The following BAZ2B variants were observed in gnomAD, a reference collection of about 807,000 sequenced individuals.
BAZ2B encodes the protein bromodomain adjacent to zinc finger domain protein 2B.
In BAZ2B, 91 loss-of-function variants were observed where a neutral mutation model predicts 246.0. The ratio of observed to expected loss-of-function variants is 0.37; its 90% CI spans 0.31 to 0.44. BAZ2B has a LOEUF of 0.44. Among genes scored for constraint, BAZ2B ranks in the 20% least tolerant of loss-of-function variants. The pLI is 1.00. For synonymous variants in BAZ2B, 855 were observed against 860.0 expected (o/e 0.99, Z 0.10); for missense variants, 2,332 against 2,533.7 (o/e 0.92, Z 1.71).
intron 1 of BAZ2B, among the ~76,000 whole-genome samples, chr2:159,558,633 G>A (rs997227269): frequency 2.0e-5 from 3 of 152,152 alleles, no homozygotes; most frequent in Admixed American, 6.6e-5. Context: ...AGCCAAGACT[G>A]TGGGCAAGTT....
At chr2:159,607,125 G>A (rs1216890330) in intron 1 of BAZ2B, among the ~76,000 whole-genome samples, 1 of 152,128 alleles carries the variant, frequency 6.6e-6, no homozygotes, top group African/African-American at 2.4e-5. Flanking sequence ...AAAGTGCTGG[G>A]ATTACAGGCA....
intron 30 of BAZ2B, 24 bp from the exon 31 acceptor site, chr2:159,347,670 T>TA (rs1196111527): frequency 6.4e-7 from 1 of 1,554,392 alleles, no homozygotes; most frequent in Non-Finnish European, 8.8e-7. Context: ...GAAATTAATT[T>TA]AAAAATCCAC....
intron 1 of BAZ2B, among the ~76,000 whole-genome samples, chr2:159,610,515 A>G (rs985440774): frequency 6.6e-6 from 1 of 152,176 alleles, no homozygotes; most frequent in South Asian, 2.1e-4. Flanking sequence ...AACAGGAAAA[A>G]ACACCCAATT....
Position 159,339,914 on chromosome 2 carries a change from C to G in BAZ2B, c.5455-2142G>C, listed in dbSNP as rs371388089. Among the ~76,000 whole-genome samples the G allele has an allele frequency of 1.1e-4, 17 of 152,028 alleles. No homozygotes were observed. The East Asian group carries it at 3.3e-3, about 29-fold the overall frequency. On this transcript the variant is annotated intron_variant, in intron 31 of 36. Coordinates refer to ENST00000392783, the MANE Select transcript of BAZ2B (RefSeq NM_013450.4). ...AGAGTAGATTGGTGGTTACCAGAGG[C>G]TGAGAAGGGTAGGGAGAGAGTGAGA...
chr2:159,580,804 C>T (rs1216108825), intron 1 of BAZ2B, among the ~76,000 whole-genome samples: 13 of 152,020 alleles, frequency 8.6e-5, no homozygotes, highest in Admixed American at 3.9e-4. Context: ...CTGAGAAAAA[C>T]AAGCAATGGG....
chr2:159,676,001 T>C, the BAZ2B span, among the ~76,000 whole-genome samples: 1 of 152,190 alleles, frequency 6.6e-6, no homozygotes, highest in Non-Finnish European at 1.5e-5. Context: ...GTTCAGGTGA[T>C]TCTCCTGCCT....
the BAZ2B span, among the ~76,000 whole-genome samples, chr2:159,666,366 C>T: frequency 6.8e-6 from 1 of 147,722 alleles, no homozygotes; most frequent in Non-Finnish European, 1.5e-5. Flanking sequence ...CTCAGGTGAT[C>T]TTCCAACCTC....
chr2:159,665,744 A>G, the BAZ2B span, among the ~76,000 whole-genome samples: 1 of 151,854 alleles, frequency 6.6e-6, no homozygotes, highest in African/African-American at 2.4e-5. Context: ...AAAACCATAA[A>G]AACCCTAGAA....
At chr2:159,580,071 C>CA (rs1686364859) in intron 1 of BAZ2B, among the ~76,000 whole-genome samples, 1 of 152,074 alleles carries the variant, frequency 6.6e-6, no homozygotes, top group Non-Finnish European at 1.5e-5. Context: ...CTGGCCAGGG[C>CA]AATCAGGCAG....
chr2:159,422,103 G>T (rs2068867731), intron 13 of BAZ2B, among the ~76,000 whole-genome samples: 1 of 151,984 alleles, frequency 6.6e-6, no homozygotes, highest in Non-Finnish European at 1.5e-5. Context: ...AAGACAAAAA[G>T]AAATGGAAAA....
At chr2:159,679,684 T>C in the BAZ2B span, among the ~76,000 whole-genome samples, 4 of 152,262 alleles carry the variant, frequency 2.6e-5, no homozygotes, top group Admixed American at 2.0e-4. Context: ...TATTCAGGAA[T>C]TGGCATTAAG....
intron 6 of BAZ2B, chr2:159,444,091 T>C (rs932925699): frequency 6.6e-6 from 1 of 152,044 alleles, no homozygotes; most frequent in African/African-American, 2.4e-5. Context: ...GAATCAGAAA[T>C]GGATGGTTTC....
At chr2:159,684,330 T>C in the BAZ2B span, among the ~76,000 whole-genome samples, 1 of 152,242 alleles carries the variant, frequency 6.6e-6, no homozygotes, top group Non-Finnish European at 1.5e-5. Context: ...GAGTAAAACC[T>C]AGGAATGAGA....
chr2:159,359,857 C>T (rs1228438701), intron 27 of BAZ2B, among the ~76,000 whole-genome samples: 1 of 152,184 alleles, frequency 6.6e-6, no homozygotes, highest in East Asian at 1.9e-4. Flanking sequence ...ACAAAACCCA[C>T]ATGATTCTCT....
intron 3 of BAZ2B, among the ~76,000 whole-genome samples, chr2:159,456,272 TAGTA>T (rs1350155675): frequency 3.3e-5 from 5 of 151,964 alleles, no homozygotes; most frequent in African/African-American, 9.7e-5. Context: ...TAATAATTGG[TAGTA>T]AGTAATAAAT....
intron 27 of BAZ2B, among the ~76,000 whole-genome samples, chr2:159,354,115 T>C (rs1356291541): frequency 6.6e-6 from 1 of 152,192 alleles, no homozygotes; most frequent in Non-Finnish European, 1.5e-5. Context: ...CTTTAGATAA[T>C]GTATTAGTTA....
the BAZ2B span, among the ~76,000 whole-genome samples, chr2:159,658,799 G>T: frequency 6.6e-6 from 1 of 152,026 alleles, no homozygotes; most frequent in East Asian, 1.9e-4. Flanking sequence ...GATTACAGGC[G>T]TGAACCACTG....
chr2:159,360,355 T>C (rs1220861470), intron 27 of BAZ2B, among the ~76,000 whole-genome samples: 1 of 152,176 alleles, frequency 6.6e-6, no homozygotes, highest in Admixed American at 6.5e-5. Context: ...CCATTCACAA[T>C]TGCTACAAAG....
chr2:159,341,405 G>A (rs2066688565), intron 31 of BAZ2B, among the ~76,000 whole-genome samples: 1 of 152,146 alleles, frequency 6.6e-6, no homozygotes, highest in Admixed American at 6.5e-5. Flanking sequence ...AGATCCAAAT[G>A]TAGAGGTAGA....
Sources: allele counts gnomAD v4.1 joint callset (sites outside exome capture counted in the v4.1 genomes callset), GRCh38; gene constraint gnomAD v4.1.1; transcripts MANE v1.5; gene names NCBI Gene and HGNC (gene_info 2026-07-23, HGNC 2026-07-21).